The following PCDH15 variants were observed in gnomAD, a reference collection of about 807,000 sequenced individuals.
The protein encoded by PCDH15 is protocadherin-15.
In PCDH15, 129 loss-of-function variants were observed where a neutral mutation model predicts 178.5. The ratio of observed to expected loss-of-function variants is 0.72; its 90% CI spans 0.63 to 0.84. The LOEUF is 0.84. Ranked by LOEUF, PCDH15 falls within the 40% of genes least tolerant of loss-of-function variation. The pLI, the probability that PCDH15 is intolerant of heterozygous loss-of-function variation, is 0.00. For missense variants in PCDH15, 2,230 were observed against 2,099.9 expected, an observed-to-expected ratio of 1.06 and a Z score of -1.21; for synonymous variants, 800 against 732.0, an observed-to-expected ratio of 1.09 and a Z score of -1.50.
chr10:54,679,054 T>G lies in PCDH15; in HGVS notation c.-28-14764A>C, dbSNP rs533418600. Reference sequence around the variant, plus strand: ...AAATACAAAAAATTAGCCGGGCGTGTTGGCGGGCGCCTGTAGTCCCAGCTA... The same window carrying G: ...AAATACAAAAAATTAGCCGGGCGTGGTGGCGGGCGCCTGTAGTCCCAGCTA... On this transcript the variant is annotated intron_variant, in intron 1 of 37. Transcript: ENST00000644397. Among the ~76,000 whole-genome samples the G allele has an allele frequency of 7.3e-5, 11 of 151,400 alleles. No individual in the cohort carries two copies. In the South Asian group the frequency reaches 1.0e-3, roughly 14 times the overall value.
chr10:54,170,901 A>G (rs2046830901), intron 13 of PCDH15, among the ~76,000 whole-genome samples: 1 of 150,376 alleles, frequency 6.6e-6, no homozygotes, highest in South Asian at 2.1e-4. Flanking sequence ...CTATTCTACT[A>G]CTCCTCAGGG....
chr10:54,348,431 T>C lies in PCDH15; in HGVS notation c.475-1947A>G, dbSNP rs72801249. Among the ~76,000 whole-genome samples, 340 of 152,282 alleles carry C rather than the reference T, an allele frequency of 2.2e-3. 1 individual carries two copies. The highest frequency in any genetic ancestry group is 3.9e-3 in the Non-Finnish European group (265 of 68,016). On this transcript the variant is annotated intron_variant, in intron 5 of 37. Transcript: ENST00000644397. ...ACTGGGGATAGATTTAGTAGAAATG[T>C]TAGTCAGCTAAATTGCTTCCAAGCT...
At chr10:54,379,688 G>A (rs534291242) in intron 3 of PCDH15, among the ~76,000 whole-genome samples, 13 of 152,086 alleles carry the variant, frequency 8.5e-5, no homozygotes, top group African/African-American at 2.9e-4. Context: ...TTTACATGTC[G>A]AATGCAAACA....
intron 12 of PCDH15, among the ~76,000 whole-genome samples, chr10:54,183,997 A>G (rs2048252966): frequency 2.0e-5 from 3 of 152,330 alleles, no homozygotes; most frequent in South Asian, 4.1e-4. Context: ...TGTTTATACC[A>G]TCAGGAAGGT....
intron 3 of PCDH15, among the ~76,000 whole-genome samples, chr10:54,475,986 G>GAT (rs922879767): frequency 7.2e-6 from 1 of 139,444 alleles, no homozygotes; most frequent in African/African-American, 2.6e-5. Flanking sequence ...CTATGCATAT[G>GAT]ATATATATAC....
At chr10:54,903,638 A>G (rs1405196611) in intron 2 of PCDH15, among the ~76,000 whole-genome samples, 1 of 152,138 alleles carries the variant, frequency 6.6e-6, no homozygotes, top group Non-Finnish European at 1.5e-5. Context: ...ACTGTAATCC[A>G]GTATTAGAAA....
intron 2 of PCDH15, among the ~76,000 whole-genome samples, chr10:54,598,817 C>T (rs557021801): frequency 2.0e-4 from 31 of 152,112 alleles, no homozygotes; most frequent in Non-Finnish European, 3.7e-4. Context: ...ACTACCATTG[C>T]TATACATCAA....
At chr10:55,205,823 A>C (rs1840383365) in intron 1 of PCDH15, among the ~76,000 whole-genome samples, 1 of 152,058 alleles carries the variant, frequency 6.6e-6, no homozygotes, top group Non-Finnish European at 1.5e-5. Context: ...CAAAAGAAAG[A>C]GGTTTATTGA....
At chr10:55,310,783 C>A (rs1396959224) in intron 1 of PCDH15, among the ~76,000 whole-genome samples, 1 of 152,084 alleles carries the variant, frequency 6.6e-6, no homozygotes, top group Non-Finnish European at 1.5e-5. Flanking sequence ...TACAGGAAAC[C>A]AAATACTGCA....
chr10:54,531,127 G>A (rs1358154278), intron 2 of PCDH15, among the ~76,000 whole-genome samples: 1 of 152,148 alleles, frequency 6.6e-6, no homozygotes, highest in Non-Finnish European at 1.5e-5. Flanking sequence ...GTCTGCCACA[G>A]GAAAGTCAGG....
intron 26 of PCDH15, among the ~76,000 whole-genome samples, chr10:53,895,937 G>C (rs573962922): frequency 6.6e-6 from 1 of 152,254 alleles, no homozygotes; most frequent in East Asian, 1.9e-4. Flanking sequence ...TTGAACTGAG[G>C]TAGACCTAAC....
chr10:55,584,748 T>C (rs988108802), intron 2 of PCDH15, among the ~76,000 whole-genome samples: 2 of 150,450 alleles, frequency 1.3e-5, no homozygotes. Context: ...TAGACACACA[T>C]ATAGATAGAT....
intron 1 of PCDH15, among the ~76,000 whole-genome samples, chr10:55,260,326 A>T (rs1842116175): frequency 6.6e-6 from 1 of 152,172 alleles, no homozygotes; most frequent in Non-Finnish European, 1.5e-5. Context: ...GGAAGCAAAT[A>T]TAGAGGAGGA....
At chr10:55,226,432 ACTGCAACC>A (rs71461288) in intron 1 of PCDH15, among the ~76,000 whole-genome samples, 48,225 of 151,266 alleles carry the variant, frequency 0.32, 8,183 homozygotes, top group Middle Eastern at 0.39. Flanking sequence ...ATGTCGGCTC[ACTGCAACC>A]CTGCAACCCT....
intron 1 of PCDH15, among the ~76,000 whole-genome samples, chr10:55,213,884 A>G (rs1272532530): frequency 6.6e-6 from 1 of 151,064 alleles, no homozygotes; most frequent in African/African-American, 2.4e-5. Context: ...TTAATTCTTA[A>G]TTTTCAGCAT....
chr10:54,152,886 A>C (rs2044680075), intron 14 of PCDH15, among the ~76,000 whole-genome samples: 1 of 152,176 alleles, frequency 6.6e-6, no homozygotes. Context: ...TTACTTTTCC[A>C]TAATAAATTT....
intron 2 of PCDH15, among the ~76,000 whole-genome samples, chr10:54,547,990 TTA>T (rs1185831559): frequency 2.0e-5 from 3 of 151,470 alleles, no homozygotes; most frequent in Non-Finnish European, 4.4e-5. Context: ...ACTTGATATT[TTA>T]TGTTTTTAAA....
chr10:54,532,845 C>G (rs902146026), intron 2 of PCDH15, among the ~76,000 whole-genome samples: 2 of 151,998 alleles, frequency 1.3e-5, no homozygotes, highest in African/African-American at 4.8e-5. Context: ...GAGGACTTTC[C>G]CTGAGTACTC....
intron 2 of PCDH15, among the ~76,000 whole-genome samples, chr10:55,037,302 C>T (rs1349440727): frequency 2.0e-5 from 3 of 151,788 alleles, no homozygotes; most frequent in Admixed American, 6.6e-5. Context: ...GGCGTGATCT[C>T]GGCTCACTGC....
Sources: gnomAD v4.1 joint callset for allele counts (sites outside exome capture counted in the v4.1 genomes callset) on GRCh38, gnomAD v4.1.1 for gene constraint, MANE v1.5 for transcripts, NCBI Gene and HGNC (gene_info 2026-07-23, HGNC 2026-07-21) for gene names.